Variants in ADGRE5 observed in about 807,000 individuals in gnomAD.
The protein encoded by ADGRE5 is adhesion G protein-coupled receptor E5.
ADGRE5 carries 72 observed loss-of-function variants against 100.3 expected under a neutral mutation model. The ratio of observed to expected loss-of-function variants is 0.72; its 90% confidence interval spans 0.59 to 0.87. The LOEUF is 0.87. ADGRE5 is among the 40% of genes least tolerant of loss of function. ADGRE5 has a pLI of 0.00. For missense variants in ADGRE5, 959 were observed against 1,094.7 expected (o/e 0.88, Z 1.75); for synonymous variants, 439 against 447.8 (o/e 0.98, Z 0.25).
intron 1 of ADGRE5, among the ~76,000 whole-genome samples, chr19:14,383,269 C>T (rs1365988937): frequency 6.6e-6 from 1 of 151,568 alleles, no homozygotes; most frequent in Non-Finnish European, 1.5e-5. Flanking sequence ...CTTTGGTAGG[C>T]CCAGGCCAGC....
In ADGRE5 at chr19:14,406,894, C is replaced by G. The variant is rs766439886; in HGVS notation, c.2141C>G (p.Thr714Ser). The G allele has an allele frequency of 4.3e-6, 7 of 1,614,044 alleles. No individual in the cohort carries two copies. The South Asian group carries it at 7.7e-5, about 18-fold the overall frequency. The change falls in exon 17 of 20, where the codon ACC becomes AGC. Residue 714 changes from threonine (T) to serine (S), a missense_variant. Physicochemically the swap from Thr to Ser is moderately conservative, Grantham distance 58. Transcript: ENST00000242786. The surrounding 1 kb of genome is among the most constrained non-coding windows in gnomAD (Gnocchi z 6.0). The part of the protein sequence containing the change: ...ILCNAVIFVT[T>S]VWKLTQKFSE... Reference sequence around the variant, plus strand: ...TGCAATGCTGTCATTTTCGTGACTACCGTCTGGAAGCTCACTCAGAAGTTT... The same window carrying G: ...TGCAATGCTGTCATTTTCGTGACTAGCGTCTGGAAGCTCACTCAGAAGTTT...
intron 4 of ADGRE5, among the ~76,000 whole-genome samples, chr19:14,394,428 CT>C (rs1362816974): frequency 3.3e-5 from 5 of 152,148 alleles, no homozygotes; most frequent in Non-Finnish European, 7.4e-5. Flanking sequence ...CCTCACCCCC[CT>C]GTCTCCAGGC....
intron 5 of ADGRE5, 147 bp downstream of exon 5, chr19:14,396,620 C>T (rs1219712549): frequency 3.0e-6 from 4 of 1,345,022 alleles, no homozygotes; most frequent in Admixed American, 2.6e-5. Flanking sequence ...TAAGGATTCA[C>T]CTCCCAGGAA....
At chr19:14,403,503 C>T (rs1976096538) in intron 12 of ADGRE5, among the ~76,000 whole-genome samples, 1 of 152,072 alleles carries the variant, frequency 6.6e-6, no homozygotes, top group Admixed American at 6.6e-5. Flanking sequence ...CAGGCATGCA[C>T]CACCACTCCC....
chr19:14,395,091 G>A (rs560571286), intron 4 of ADGRE5, among the ~76,000 whole-genome samples: 2 of 152,182 alleles, frequency 1.3e-5, no homozygotes, highest in African/African-American at 2.4e-5. Context: ...ACTTGAGGTC[G>A]GGAATTCGAG....
At chr19:14,400,802 A>AAACAAGGAACAAC in intron 9 of ADGRE5, among the ~76,000 whole-genome samples, 1 of 152,196 alleles carries the variant, frequency 6.6e-6, no homozygotes, top group Admixed American at 6.6e-5. Flanking sequence ...AGATAAATAA[A>AAACAAGGAACAAC]TAAATAAAGT....
intron 1 of ADGRE5, among the ~76,000 whole-genome samples, chr19:14,387,044 AAAG>A (rs1568307166): frequency 6.6e-6 from 1 of 152,012 alleles, no homozygotes. Flanking sequence ...TAAATAAATA[AAAG>A]AAGAAGAAAT....
intron 13 of ADGRE5, chr19:14,404,865 C>CT: frequency 1.9e-5 from 6 of 317,732 alleles, no homozygotes; most frequent in South Asian, 4.8e-5. Flanking sequence ...ACCACTTGCC[C>CT]GTTTTTTTTT....
rs1975998085 is a variant in ADGRE5, at chr19:14,401,287, G to T, written c.898-99G>T. On this transcript the variant is annotated intron_variant, in intron 9 of 19. Transcript: ENST00000242786. The surrounding 1 kb of genome is among the most constrained non-coding windows in gnomAD (Gnocchi z 4.1). ...TCTCAGTGATTCCCTTGTGCCTGTG[G>T]GTCTCCAGTGTGTCCCCTGGTAGGG... is the stretch of plus-strand genomic sequence containing the variant. 2 of 968,732 alleles carry T rather than the reference G, an allele frequency of 2.1e-6. No homozygotes were observed. 60.0% of individuals were successfully genotyped at this position (968,732 alleles called of 1,614,324 possible).
rs1441363360 is a variant in ADGRE5 at position 14,401,123 on chromosome 19, A to G, written c.898-263A>G. On this transcript the variant is annotated intron_variant, in intron 9 of 19. Coordinates refer to ENST00000242786, the MANE Select transcript of ADGRE5 (RefSeq NM_078481.4). This position sits in a 1 kb window ranked among gnomAD's most constrained non-coding sequence, Gnocchi z 4.1. ...GGCAACAGACTGAGACCCTGTCTCAAAAAAAGAAAGAAAAAAGAACAGGAA... is the reference window on the plus strand; with the variant it reads ...GGCAACAGACTGAGACCCTGTCTCAGAAAAAGAAAGAAAAAAGAACAGGAA... Among the ~76,000 whole-genome samples the G allele has an allele frequency of 2.6e-5, 4 of 152,190 alleles. No homozygotes were observed.
rs1048516336 is a variant in ADGRE5 at position 14,387,595 on chromosome 19, G to T, written c.23-855G>T. ...TACAAAAAATTAGCCGGGTGTGGTG[G>T]TGGACGCCTGTAGTCCCAGCTACTC... On this transcript the variant is annotated intron_variant, in intron 1 of 19. Transcript: ENST00000242786. Among the ~76,000 whole-genome samples the T allele has an allele frequency of 5.3e-5, 8 of 151,800 alleles. No homozygotes were observed. The South Asian group carries it at 6.2e-4, about 12-fold the overall frequency.
chr19:14,401,368 TCACCCGC>T lies in ADGRE5; in HGVS notation c.898-12_898-6del. On this transcript the variant is annotated splice_polypyrimidine_tract_variant and intron_variant, in intron 9 of 19. Coordinates refer to ENST00000242786, the MANE Select transcript of ADGRE5 (RefSeq NM_078481.4). The surrounding 1 kb of genome is among the most constrained non-coding windows in gnomAD (Gnocchi z 4.1). ...GTGGTCTGATGCTCCAGCGATTCTG[TCACCCGC>T]CACCCCCTAGAATGTCATCAAATTG... is the stretch of plus-strand genomic sequence containing the variant. The T allele has an allele frequency of 6.2e-7, 1 of 1,611,432 alleles. No individual in the cohort carries two copies. The highest frequency in any genetic ancestry group is 8.5e-7 in the Non-Finnish European group (1 of 1,178,500).
chr19:14,382,355 C>T (rs944680424), intron 1 of ADGRE5, among the ~76,000 whole-genome samples: 1 of 152,200 alleles, frequency 6.6e-6, no homozygotes, highest in Non-Finnish European at 1.5e-5. Flanking sequence ...CTTGGGGGCA[C>T]ACTTGTTGGG....
rs1178758996 is a variant in ADGRE5, at chr19:14,408,093, C to G, written c.2480C>G (p.Ala827Gly). ...AGGCCTCTGGGCTCTCCTCTCCAGG[C>G]CCTCAGGGCATCAGAGTCCGGCATA... Reference protein sequence around the residue: ...TSGTGHNQTRALRASESGI With the variant: ...TSGTGHNQTRGLRASESGI Residue 827 changes from alanine to glycine, a missense_variant and splice_region_variant, in exon 20 of 20, where the codon GCC becomes GGC. This residue lies in a region of ADGRE5 where 428 missense variants were observed against 386.2 expected (regional missense o/e 1.11). Coordinates refer to ENST00000242786, the MANE Select transcript of ADGRE5 (RefSeq NM_078481.4). The G allele has an allele frequency of 6.2e-7, 1 of 1,613,756 alleles. No individual in the cohort carries two copies. The highest frequency in any genetic ancestry group is 2.2e-5 in the East Asian group (1 of 44,896).
chr19:14,398,674 C>CAA (rs71164256), intron 9 of ADGRE5, among the ~76,000 whole-genome samples: 1,368 of 51,564 alleles, frequency 0.027, 36 homozygotes, highest in Non-Finnish European at 0.032. Context: ...GACTCTGTCT[C>CAA]AAAAAAAAAA....
At chr19:14,403,435 C>A (rs1976094743) in intron 12 of ADGRE5, among the ~76,000 whole-genome samples, 1 of 152,120 alleles carries the variant, frequency 6.6e-6, no homozygotes, top group South Asian at 2.1e-4. Flanking sequence ...TCACTGCAAC[C>A]TCGAACTCCT....
rs373067809 is a variant in ADGRE5, at chr19:14,404,493, C to A, written c.1560C>A (p.Asn520Lys). 6.2e-7 allele frequency: 1 copy of A among 1,612,070 alleles called. No individual in the cohort carries two copies. Among genetic ancestry groups the A allele is most frequent in the East Asian group, 2.2e-5 (1 of 44,684 alleles). ...TEGCQVLGSK[N>K]GSTTCQCSHL... is the part of the protein sequence containing the mutation. The stretch of plus-strand genomic sequence containing the variant: ...GCTGCCAGGTGCTGGGCAGCAAGAA[C>A]GGCAGCACCACCTGCCAATGCAGCC... The change falls in exon 13 of 20, where the codon AAC becomes AAA. Residue 520 changes from asparagine (N) to lysine (K), a missense_variant. This residue lies in a region of ADGRE5 where 19 missense variants were observed against 46.8 expected (regional missense o/e 0.41). Coordinates refer to ENST00000242786, the MANE Select transcript of ADGRE5 (RefSeq NM_078481.4).
intron 18 of ADGRE5, 45 bp from the exon 19 acceptor site, chr19:14,407,863 G>A: frequency 6.5e-7 from 1 of 1,531,950 alleles, no homozygotes; most frequent in Non-Finnish European, 9.0e-7. Context: ...AGCGTGCATG[G>A]TCCCAGGGCC....
intron 12 of ADGRE5, 95 bp from the exon 13 acceptor site, chr19:14,404,288 T>C (rs944482307): frequency 1.5e-5 from 17 of 1,131,578 alleles, no homozygotes; most frequent in Non-Finnish European, 2.1e-5. Context: ...TCAATACTCA[T>C]CTAGTAAAAA....
Sources: gnomAD v4.1 joint callset for allele counts (sites outside exome capture counted in the v4.1 genomes callset) on GRCh38, gnomAD v4.1.1 for gene constraint, gnomAD v4.1.1 regional missense constraint, Gnocchi (gnomAD v3.1) non-coding constraint, MANE v1.5 for transcripts, NCBI Gene and HGNC (gene_info 2026-07-23, HGNC 2026-07-21) for gene names.